The following CDH23 variants were observed in gnomAD, a reference collection of about 807,000 sequenced individuals.
CDH23 encodes cadherin-23.
CDH23 carries 189 observed loss-of-function variants against 317.1 expected under a neutral mutation model. The observed-to-expected ratio is 0.60, with a 90% CI of 0.53 to 0.67. The LOEUF is 0.67. CDH23 is among the 30% of genes least tolerant of loss of function. The probability of loss-of-function intolerance (pLI) is 0.00; values close to 1 mark genes in which losing one functional copy is unlikely to be tolerated. For missense variants in CDH23, 4,401 were observed against 4,592.4 expected (o/e 0.96, Z 1.20); for synonymous variants, 1,839 against 1,876.8 (o/e 0.98, Z 0.52).
chr10:71,686,519 G>C (rs1227089), intron 18 of CDH23, among the ~76,000 whole-genome samples: 2 of 151,890 alleles, frequency 1.3e-5, no homozygotes, highest in East Asian at 1.9e-4. Context: ...TGCAGCCAGA[G>C]AGCATGCCCC....
intron 22 of CDH23, among the ~76,000 whole-genome samples, chr10:71,696,437 T>A (rs943163957): frequency 6.6e-6 from 1 of 152,206 alleles, no homozygotes; most frequent in Non-Finnish European, 1.5e-5. Context: ...GCCACTGCAC[T>A]GTGGAGGAGA....
intron 28 of CDH23, among the ~76,000 whole-genome samples, chr10:71,721,619 A>G (rs1222975490): frequency 2.0e-5 from 3 of 152,050 alleles, no homozygotes; most frequent in African/African-American, 7.2e-5. Flanking sequence ...GCTCCAGTGT[A>G]CTCGTCCTCC....
chr10:71,565,570 GGTACT>G (rs1354131926), intron 6 of CDH23, among the ~76,000 whole-genome samples: 1 of 152,048 alleles, frequency 6.6e-6, no homozygotes, highest in African/African-American at 2.4e-5. Flanking sequence ...TGCCCTGGAT[GGTACT>G]GTTAATATCA....
chr10:71,522,302 C>CTCCCTG (rs1024798823), intron 6 of CDH23, among the ~76,000 whole-genome samples: 6 of 152,284 alleles, frequency 3.9e-5, no homozygotes, highest in African/African-American at 1.4e-4. Flanking sequence ...CACTGTGCCC[C>CTCCCTG]TCCCTGTCCC....
chr10:71,427,633 G>T (rs1254107545), intron 1 of CDH23, among the ~76,000 whole-genome samples: 1 of 152,024 alleles, frequency 6.6e-6, no homozygotes, highest in African/African-American at 2.4e-5. Flanking sequence ...TACAAATACA[G>T]GTTCCAGTTT....
rs759841951 is a variant in CDH23 at position 71,807,791 on chromosome 10, C to T, written c.8560+24C>T. 3.3e-5 allele frequency: 52 copies of T among 1,584,454 alleles called. 1 individual carries two copies. In the Middle Eastern group the frequency reaches 8.3e-4, roughly 25 times the overall value. ...AGGTGCAGGGACTGGAGCCTGGGCA[C>T]GAGGTGTGGGGTGGCCCCTGCCCTG... On this transcript the variant is annotated intron_variant, in intron 59 of 69. Transcript: ENST00000224721.
intron 3 of CDH23, among the ~76,000 whole-genome samples, chr10:71,455,425 A>G (rs59774511): frequency 0.016 from 2,384 of 152,280 alleles, 75 homozygotes; most frequent in African/African-American, 0.054. Context: ...GGCAAATGTA[A>G]TCTTGCCCAG....
intron 3 of CDH23, among the ~76,000 whole-genome samples, chr10:71,500,672 A>C (rs956839053): frequency 4.6e-5 from 7 of 152,072 alleles, no homozygotes; most frequent in African/African-American, 1.7e-4. Context: ...TTTGTGATAA[A>C]AACCATGAGG....
chr10:71,793,769 T>G, intron 48 of CDH23, 129 bp downstream of exon 48: 1 of 706,648 alleles, frequency 1.4e-6, no homozygotes, highest in Non-Finnish European at 2.3e-6. Flanking sequence ...CTCCCCCTCC[T>G]CTGGAGGGAA....
chr10:71,800,609 G>T (rs780925754), intron 52 of CDH23, 27 bp from the exon 53 acceptor site: 1 of 1,610,356 alleles, frequency 6.2e-7, no homozygotes, highest in South Asian at 1.1e-5. Flanking sequence ...ATGATTGAAG[G>T]ACCTAAAGCC....
Position 71,799,039 on chromosome 10 carries a change from TC to T in CDH23, c.7055-71del, listed in dbSNP as rs1211526501. On this transcript the variant is annotated intron_variant, in intron 50 of 69. Coordinates refer to ENST00000224721, the MANE Select transcript of CDH23 (RefSeq NM_022124.6). The stretch of plus-strand genomic sequence containing the variant: ...AGCTGCCCCTCGGAGTCCAGGTCTT[TC>T]TCCTCATACTTTGGAGAGCTGCCAT... 2.5e-5 allele frequency: 37 copies of T among 1,459,242 alleles called. No individual in the cohort carries two copies. In the Admixed American group the frequency reaches 6.6e-4, roughly 26 times the overall value. 90.4% of individuals were successfully genotyped at this position (1,459,242 alleles called of 1,614,324 possible). A position where few individuals can be genotyped will look rare whatever the true frequency, so the allele number is the denominator to read the frequency against.
At chr10:71,776,793 C>T (rs572027650) in intron 38 of CDH23, among the ~76,000 whole-genome samples, 15 of 152,334 alleles carry the variant, frequency 9.8e-5, no homozygotes, top group Middle Eastern at 3.4e-3. Context: ...GAAACACCCC[C>T]GCCTCTTTCT....
chr10:71,430,895 A>G (rs1849339719), intron 1 of CDH23, among the ~76,000 whole-genome samples: 1 of 152,236 alleles, frequency 6.6e-6, no homozygotes, highest in Non-Finnish European at 1.5e-5. Context: ...TGCAGCTGCT[A>G]AAAAGAACAA....
intron 47 of CDH23, among the ~76,000 whole-genome samples, chr10:71,792,842 AAAAAAAAAAAATAT>A (rs1216864553): frequency 8.5e-5 from 6 of 70,870 alleles, no homozygotes; most frequent in African/African-American, 1.6e-4. Flanking sequence ...AAAAAAAAAA[AAAAAAAAAAAATAT>A]ATATATATAT....
At chr10:71,578,285 G>T (rs1564665019) in intron 9 of CDH23, among the ~76,000 whole-genome samples, 1 of 152,192 alleles carries the variant, frequency 6.6e-6, no homozygotes, top group African/African-American at 2.4e-5. Flanking sequence ...GTCTGAGACG[G>T]TTGGGCACTT....
At chr10:71,436,507 T>C (rs192704680) in intron 1 of CDH23, among the ~76,000 whole-genome samples, 16 of 152,356 alleles carry the variant, frequency 1.1e-4, no homozygotes, top group Admixed American at 7.8e-4. Flanking sequence ...CATGGTGTGA[T>C]GGAAACATCA....
chr10:71,803,758 T>C (rs1841625641), intron 55 of CDH23, among the ~76,000 whole-genome samples: 2 of 135,452 alleles, frequency 1.5e-5, no homozygotes, highest in African/African-American at 5.7e-5. Flanking sequence ...ACATTTGAGG[T>C]CAGGAGTTCG....
chr10:71,577,923 G>A lies in CDH23; in HGVS notation c.763G>A (p.Val255Met), dbSNP rs543416458. ...IYEHSPPGTTVRIITAIDQDK... is the reference protein window; with the variant it reads ...IYEHSPPGTTMRIITAIDQDK... ...CCTCTCTTCTGCCCAGGGCACGACG[G>A]TGCGCATCATCACCGCCATAGACCA... The change falls in exon 9 of 70, where the codon GTG becomes ATG. Residue 255 changes from valine (V) to methionine (M), a missense_variant. Physicochemically the swap from Val to Met is conservative, Grantham distance 21 (BLOSUM62 1). Transcript: ENST00000224721. The A allele has an allele frequency of 4.4e-6, 7 of 1,599,102 alleles. No individual in the cohort carries two copies. Among genetic ancestry groups the A allele is most frequent in the East Asian group, 4.5e-5 (2 of 44,252 alleles).
At chr10:71,564,522 T>A (rs1857293002) in intron 6 of CDH23, among the ~76,000 whole-genome samples, 1 of 152,258 alleles carries the variant, frequency 6.6e-6, no homozygotes. Flanking sequence ...TTTTCCCCTT[T>A]TCCACCATTT....
Sources: allele counts gnomAD v4.1 joint callset (sites outside exome capture counted in the v4.1 genomes callset), GRCh38; gene constraint gnomAD v4.1.1; transcripts MANE v1.5; gene names NCBI Gene and HGNC (gene_info 2026-07-23, HGNC 2026-07-21).